Variants in PPP1R1C observed in about 807,000 individuals in gnomAD.
PPP1R1C encodes the protein protein phosphatase 1 regulatory inhibitor subunit 1C, also known as protein phosphatase 1 regulatory subunit 1C.
A neutral mutation model predicts 17.4 loss-of-function variants in PPP1R1C; 15 were observed. The ratio of observed to expected loss-of-function variants is 0.86; its 90% CI spans 0.58 to 1.33. The LOEUF (loss-of-function observed/expected upper bound fraction) is 1.33. Among genes scored for constraint, PPP1R1C ranks in the 40% most tolerant of loss-of-function variants. The pLI, the probability that PPP1R1C is intolerant of heterozygous loss-of-function variation, is 0.00. For synonymous variants in PPP1R1C, 35 were observed against 43.1 expected, an observed-to-expected ratio of 0.81 and a Z score of 0.73; for missense variants, 143 against 130.0, an observed-to-expected ratio of 1.10 and a Z score of -0.48.
At chr2:182,101,448 C>T (rs1191122087) in intron 4 of PPP1R1C, among the ~76,000 whole-genome samples, 1 of 152,122 alleles carries the variant, frequency 6.6e-6, no homozygotes, top group Admixed American at 6.6e-5. Context: ...ATACATTTTA[C>T]CTCCTAGTGG....
At chr2:182,020,650 A>G (rs1217038063) in intron 2 of PPP1R1C, among the ~76,000 whole-genome samples, 2 of 152,102 alleles carry the variant, frequency 1.3e-5, no homozygotes, top group Non-Finnish European at 2.9e-5. Context: ...TTAAAGTCCT[A>G]TCCTTTCTGG....
chr2:182,120,595 C>A (rs1393107804), downstream of PPP1R1C, among the ~76,000 whole-genome samples: 2 of 152,130 alleles, frequency 1.3e-5, no homozygotes, highest in African/African-American at 4.8e-5. Context: ...CTGATTAAGG[C>A]CCTTATTTAT....
intron 2 of PPP1R1C, among the ~76,000 whole-genome samples, chr2:181,978,066 A>C (rs1328427481): frequency 6.6e-6 from 1 of 152,208 alleles, no homozygotes; most frequent in Non-Finnish European, 1.5e-5. Context: ...AAGACAAAGA[A>C]AGAACAAAGG....
intron 2 of PPP1R1C, among the ~76,000 whole-genome samples, chr2:182,041,282 A>T (rs894439744): frequency 6.6e-6 from 1 of 152,148 alleles, no homozygotes; most frequent in Non-Finnish European, 1.5e-5. Flanking sequence ...TCGACATTAG[A>T]TATGGACTTC....
chr2:181,981,338 C>A (rs190776535), upstream of PPP1R1C, among the ~76,000 whole-genome samples: 202 of 152,274 alleles, frequency 1.3e-3, no homozygotes, highest in African/African-American at 4.3e-3. Flanking sequence ...TACTTAAGTG[C>A]TGTGGGAATT....
intron 1 of PPP1R1C, among the ~76,000 whole-genome samples, chr2:181,966,533 A>G (rs567683663): frequency 2.6e-5 from 4 of 152,174 alleles, no homozygotes; most frequent in South Asian, 2.1e-4. Flanking sequence ...ATTGAATTTT[A>G]TCAAATGCAT....
intron 2 of PPP1R1C, among the ~76,000 whole-genome samples, chr2:181,990,404 A>G (rs759203149): frequency 4.6e-5 from 7 of 151,958 alleles, no homozygotes; most frequent in Non-Finnish European, 8.8e-5. Context: ...CGGCCTCCCT[A>G]AGGGCTGGGA....
At chr2:181,980,172 A>G (rs1007767904) in intron 2 of PPP1R1C, among the ~76,000 whole-genome samples, 15 of 152,350 alleles carry the variant, frequency 9.8e-5, no homozygotes, top group African/African-American at 3.4e-4. Flanking sequence ...TGTTGGATGT[A>G]TAAATAATAT....
At chr2:182,098,450 T>C (rs1322819381) in intron 4 of PPP1R1C, among the ~76,000 whole-genome samples, 1 of 152,206 alleles carries the variant, frequency 6.6e-6, no homozygotes, top group Non-Finnish European at 1.5e-5. Flanking sequence ...CAACACACAC[T>C]AATCTAAAGT....
chr2:182,092,188 A>G (rs1374072314), intron 4 of PPP1R1C, among the ~76,000 whole-genome samples: 1 of 152,178 alleles, frequency 6.6e-6, no homozygotes, highest in Non-Finnish European at 1.5e-5. Context: ...ACAGTTCCAC[A>G]TGGCTGGGGA....
downstream of PPP1R1C, among the ~76,000 whole-genome samples, chr2:182,118,316 A>T (rs1574466051): frequency 6.6e-6 from 1 of 152,164 alleles, no homozygotes; most frequent in East Asian, 1.9e-4. Context: ...ATATTTATTG[A>T]ATATGGCTTT....
intron 2 of PPP1R1C, among the ~76,000 whole-genome samples, chr2:181,979,612 C>A (rs1329186950): frequency 6.6e-6 from 1 of 152,154 alleles, no homozygotes; most frequent in Non-Finnish European, 1.5e-5. Context: ...AAAAGCTAGG[C>A]TCAGTTGGGG....
At chr2:181,955,251 T>A (rs1030813085) in intron 1 of PPP1R1C, among the ~76,000 whole-genome samples, 1 of 152,232 alleles carries the variant, frequency 6.6e-6, no homozygotes, top group African/African-American at 2.4e-5. Flanking sequence ...GATTCCTGTT[T>A]TCATCAGCTG....
At chr2:182,029,306 C>T (rs1356774231) in intron 2 of PPP1R1C, among the ~76,000 whole-genome samples, 3 of 151,956 alleles carry the variant, frequency 2.0e-5, no homozygotes, top group Non-Finnish European at 2.9e-5. Context: ...TCTTCCTAGT[C>T]TCGATGGTCT....
intron 4 of PPP1R1C, among the ~76,000 whole-genome samples, chr2:182,073,971 CA>C (rs1688214634): frequency 6.6e-6 from 1 of 151,744 alleles, no homozygotes; most frequent in Non-Finnish European, 1.5e-5. Flanking sequence ...GACACGTTGC[CA>C]TATTTCTTGT....
At chr2:182,095,312 A>T (rs202014267) in intron 4 of PPP1R1C, among the ~76,000 whole-genome samples, 12 of 150,626 alleles carry the variant, frequency 8.0e-5, no homozygotes, top group East Asian at 3.9e-4. Context: ...TAAAAAAATT[A>T]AAAAAAAAGG....
At chr2:182,099,922 G>T (rs1374383916) in intron 4 of PPP1R1C, among the ~76,000 whole-genome samples, 1 of 152,074 alleles carries the variant, frequency 6.6e-6, no homozygotes, top group Non-Finnish European at 1.5e-5. Flanking sequence ...CCTCTGACCT[G>T]CAAGTCTATG....
intron 2 of PPP1R1C, among the ~76,000 whole-genome samples, chr2:182,050,426 T>A (rs1221428680): frequency 6.6e-6 from 1 of 152,194 alleles, no homozygotes; most frequent in Non-Finnish European, 1.5e-5. Flanking sequence ...AGAACTCCAC[T>A]CCATCTGCTG....
At chr2:182,108,282 C>G (rs1402461468) in intron 4 of PPP1R1C, among the ~76,000 whole-genome samples, 1 of 152,156 alleles carries the variant, frequency 6.6e-6, no homozygotes, top group Non-Finnish European at 1.5e-5. Context: ...TTTCTTAGCT[C>G]TCTCTTGCAG....
Sources: allele counts gnomAD v4.1 joint callset (sites outside exome capture counted in the v4.1 genomes callset), GRCh38; gene constraint gnomAD v4.1.1; transcripts MANE v1.5; gene names NCBI Gene and HGNC (gene_info 2026-07-23, HGNC 2026-07-21).